The following VMA12 variants were observed in gnomAD, a reference collection of about 807,000 sequenced individuals.
VMA12 encodes vacuolar ATPase assembly protein VMA12.
At chr17:28,360,702 A>G in the VMA12 span, 2 of 1,608,978 alleles carry the variant, frequency 1.2e-6, no homozygotes, top group South Asian at 1.1e-5. Flanking sequence ...AGAATGTTGA[A>G]CTAAAGGTGC....
chr17:28,361,456 A>C, the VMA12 span: 1 of 570,504 alleles, frequency 1.8e-6, no homozygotes, highest in Non-Finnish European at 3.1e-6. Flanking sequence ...GAGATAACAC[A>C]TCTTTAAAAC....
the VMA12 span, chr17:28,358,318 G>T: frequency 6.8e-6 from 3 of 438,484 alleles, no homozygotes; most frequent in Non-Finnish European, 1.4e-5. Flanking sequence ...ATATAGGATG[G>T]CAAAAGCTGT....
At chr17:28,362,880 G>GCT in the VMA12 span, 1 of 152,156 alleles carries the variant, frequency 6.6e-6, no homozygotes, top group Admixed American at 6.5e-5. Context: ...ATAGAAGGGA[G>GCT]CTCTCTCATC....
the VMA12 span, chr17:28,359,442 C>T: frequency 1.7e-4 from 275 of 1,597,264 alleles, no homozygotes; most frequent in Non-Finnish European, 2.3e-4. Context: ...CTAGGTAGCC[C>T]CTCAGAGTAG....
the VMA12 span, chr17:28,357,721 C>T: frequency 4.3e-6 from 7 of 1,613,220 alleles, no homozygotes; most frequent in East Asian, 4.5e-5. Context: ...CTTTGGGCCC[C>T]GGCGGGGAGC....
chr17:28,358,006 T>G, the VMA12 span: 4 of 1,018,896 alleles, frequency 3.9e-6, no homozygotes, highest in East Asian at 2.6e-5. Flanking sequence ...AGTCACTCCA[T>G]AAATCCCAGG....
the VMA12 span, chr17:28,361,070 G>A: frequency 3.0e-6 from 4 of 1,325,560 alleles, no homozygotes; most frequent in Non-Finnish European, 4.3e-6. Context: ...AGGGTGGTTG[G>A]GGGGCTCTCC....
At chr17:28,360,773 T>C in the VMA12 span, 1 of 1,614,090 alleles carries the variant, frequency 6.2e-7, no homozygotes, top group Admixed American at 1.7e-5. Flanking sequence ...CATCTTCAAT[T>C]TCATTGTCAC....
the VMA12 span, chr17:28,359,425 A>G: frequency 1.2e-6 from 2 of 1,612,620 alleles, no homozygotes; most frequent in Admixed American, 3.3e-5. Context: ...GCTCTTCAGT[A>G]CGTGGTCTAG....
At chr17:28,360,879 C>T in the VMA12 span, 4 of 1,572,174 alleles carry the variant, frequency 2.5e-6, no homozygotes, top group Admixed American at 3.4e-5. Flanking sequence ...CAGGGTGCCC[C>T]TGGTGGGGGT....
chr17:28,358,304 T>G, the VMA12 span: 1 of 425,878 alleles, frequency 2.3e-6, no homozygotes, highest in South Asian at 1.7e-5. Context: ...TGTTTGTTTT[T>G]TTAATATAGG....
chr17:28,361,985 G>A, the VMA12 span: 1 of 152,306 alleles, frequency 6.6e-6, no homozygotes, highest in Non-Finnish European at 1.5e-5. Context: ...GATTAGTGGT[G>A]TGATGATAGA....
At chr17:28,360,842 G>A in the VMA12 span, 3 of 1,613,556 alleles carry the variant, frequency 1.9e-6, no homozygotes, top group Admixed American at 1.7e-5. Context: ...CACAGAAATG[G>A]CCTCGGTGAG....
chr17:28,360,478 T>A, the VMA12 span: 2 of 1,559,832 alleles, frequency 1.3e-6, no homozygotes. Flanking sequence ...TGTCAATGGA[T>A]GCTCTCTGAG....
chr17:28,358,408 C>T, the VMA12 span: 4 of 472,102 alleles, frequency 8.5e-6, no homozygotes, highest in Middle Eastern at 3.2e-4. Context: ...GTCATTTCTC[C>T]TCGCTGGGCC....
chr17:28,358,554 A>C, the VMA12 span: 1 of 482,160 alleles, frequency 2.1e-6, no homozygotes, highest in South Asian at 1.5e-5. Context: ...CCTTAGAAAG[A>C]GATTGCCTAG....
chr17:28,359,973 C>CT, the VMA12 span, among the ~76,000 whole-genome samples: 140 of 145,436 alleles, frequency 9.6e-4, no homozygotes, highest in Middle Eastern at 3.6e-3. Flanking sequence ...TTTTCTTCTT[C>CT]TTTTTTTTTT....
chr17:28,360,356 C>T, the VMA12 span: 6 of 608,406 alleles, frequency 9.9e-6, no homozygotes, highest in Non-Finnish European at 1.7e-5. Flanking sequence ...TATGTCCTCT[C>T]TCCGAAATGC....
the VMA12 span, chr17:28,358,558 T>C: frequency 2.1e-6 from 1 of 482,964 alleles, no homozygotes; most frequent in Non-Finnish European, 4.2e-6. Flanking sequence ...AGAAAGAGAT[T>C]GCCTAGTATT....
Sources: gnomAD v4.1 joint callset for allele counts (sites outside exome capture counted in the v4.1 genomes callset) on GRCh38, gnomAD v4.1.1 for gene constraint, MANE v1.5 for transcripts, NCBI Gene and HGNC (gene_info 2026-07-23, HGNC 2026-07-21) for gene names.